The following GABRB1 variants were observed in gnomAD, a reference collection of about 807,000 sequenced individuals.
GABRB1 encodes the protein gamma-aminobutyric acid receptor subunit beta-1.
GABRB1 carries 17 observed loss-of-function variants against 51.6 expected under a neutral mutation model. That is an observed-to-expected ratio of 0.33 (90% CI 0.23 to 0.49). The LOEUF is 0.49. GABRB1 is among the 20% of genes least tolerant of loss of function. The pLI is 0.99. For missense variants in GABRB1, 410 were observed against 600.6 expected, an observed-to-expected ratio of 0.68 and a Z score of 3.32; for synonymous variants, 247 against 218.9, an observed-to-expected ratio of 1.13 and a Z score of -1.14.
Position 47,037,767 on chromosome 4 carries a change from C to G in GABRB1, c.240+5283C>G, listed in dbSNP as rs775835800. 3.9e-5 allele frequency among the ~76,000 whole-genome samples: 6 copies of G among 152,194 alleles called. No homozygotes were observed. In the East Asian group the frequency reaches 5.8e-4, roughly 15 times the overall value. The stretch of plus-strand genomic sequence containing the variant: ...TGCTTTACATTAATAGCGATTTAAT[C>G]CTTTACTTAATGCTATACAATTCTT... On this transcript the variant is annotated intron_variant, in intron 3 of 8. Coordinates refer to ENST00000295454, the MANE Select transcript of GABRB1 (RefSeq NM_000812.4).
At chr4:47,062,357 A>G (rs536719655) in intron 3 of GABRB1, among the ~76,000 whole-genome samples, 1 of 147,888 alleles carries the variant, frequency 6.8e-6, no homozygotes, top group South Asian at 2.1e-4. Context: ...TTTTGCTGAT[A>G]TAATGGAAAC....
chr4:47,282,066 T>G (rs183633426), intron 4 of GABRB1, among the ~76,000 whole-genome samples: 1 of 152,186 alleles, frequency 6.6e-6, no homozygotes, highest in African/African-American at 2.4e-5. Flanking sequence ...AAAGATGAAT[T>G]GTTAAAATGA....
intron 4 of GABRB1, among the ~76,000 whole-genome samples, chr4:47,287,032 A>T (rs951564405): frequency 4.6e-5 from 7 of 152,122 alleles, no homozygotes; most frequent in African/African-American, 1.7e-4. Context: ...ATCTTTCCCT[A>T]CACCGCATTG....
chr4:47,191,634 T>C (rs1195273752), intron 4 of GABRB1, among the ~76,000 whole-genome samples: 2 of 152,098 alleles, frequency 1.3e-5, no homozygotes, highest in African/African-American at 4.8e-5. Flanking sequence ...ACTCAGATGA[T>C]GGAAATGAAA....
At chr4:47,150,329 C>CACACACACGCACAT (rs1281137269) in intron 3 of GABRB1, among the ~76,000 whole-genome samples, 14 of 139,130 alleles carry the variant, frequency 1.0e-4, no homozygotes, top group Non-Finnish European at 2.2e-4. Context: ...CACACACACA[C>CACACACACGCACAT]ACACACACAC....
At chr4:47,296,011 C>T (rs1347758158) in intron 4 of GABRB1, among the ~76,000 whole-genome samples, 1 of 152,098 alleles carries the variant, frequency 6.6e-6, no homozygotes, top group Non-Finnish European at 1.5e-5. Context: ...CCAAACTAAG[C>T]TTCATAAGTG....
chr4:47,122,736 T>A (rs1240944050), intron 3 of GABRB1, among the ~76,000 whole-genome samples: 2 of 152,164 alleles, frequency 1.3e-5, no homozygotes, highest in African/African-American at 2.4e-5. Context: ...AGGACAAAAC[T>A]GTCACTGCTG....
At chr4:47,029,675 GT>G (rs1441098393), upstream of GABRB1, among the ~76,000 whole-genome samples, 1 of 151,690 alleles carries the variant, frequency 6.6e-6, no homozygotes, top group Non-Finnish European at 1.5e-5. Context: ...TGAAAGTTTT[GT>G]TTTTTGTATT....
chr4:47,365,663 G>C (rs1578125069), intron 5 of GABRB1, among the ~76,000 whole-genome samples: 1 of 152,080 alleles, frequency 6.6e-6, no homozygotes, highest in Non-Finnish European at 1.5e-5. Context: ...ACCAATGAAA[G>C]GCATGGGCAG....
chr4:47,243,775 G>C (rs1365051940), intron 4 of GABRB1, among the ~76,000 whole-genome samples: 2 of 152,202 alleles, frequency 1.3e-5, no homozygotes, highest in Non-Finnish European at 2.9e-5. Flanking sequence ...AGCTTAAGGA[G>C]ATTTTGGGCT....
In GABRB1 at chr4:47,403,468, C is replaced by G; in HGVS notation, c.682+13C>G. ...GAGTTCACAACAGGTGAGGTTGTTT[C>G]CCCCAAAATGTACTAGGGGTGCTGT... On this transcript the variant is annotated intron_variant, in intron 6 of 8. Coordinates refer to ENST00000295454, the MANE Select transcript of GABRB1 (RefSeq NM_000812.4). 6.2e-7 allele frequency: 1 copy of G among 1,613,648 alleles called. No individual in the cohort carries two copies. The highest frequency in any genetic ancestry group is 8.5e-7 in the Non-Finnish European group (1 of 1,179,770).
At chr4:47,295,816 C>T (rs1042931820) in intron 4 of GABRB1, among the ~76,000 whole-genome samples, 1 of 152,052 alleles carries the variant, frequency 6.6e-6, no homozygotes, top group Non-Finnish European at 1.5e-5. Flanking sequence ...TCAGATTCAC[C>T]AAAGTTGAAA....
intron 4 of GABRB1, among the ~76,000 whole-genome samples, chr4:47,246,512 A>T (rs900323337): frequency 1.3e-5 from 2 of 149,518 alleles, no homozygotes; most frequent in Admixed American, 1.3e-4. Context: ...TCTTTTTCAT[A>T]TATTGACTTC....
chr4:47,046,745 C>A (rs762706561), intron 3 of GABRB1, among the ~76,000 whole-genome samples: 7 of 152,014 alleles, frequency 4.6e-5, no homozygotes, highest in Non-Finnish European at 8.8e-5. Context: ...ACCTAAATGC[C>A]CATCAATGAT....
At chr4:47,050,526 T>C (rs1726300507) in intron 3 of GABRB1, among the ~76,000 whole-genome samples, 1 of 152,098 alleles carries the variant, frequency 6.6e-6, no homozygotes, top group East Asian at 1.9e-4. Flanking sequence ...GGGAAGTAAA[T>C]GCCAATGCAA....
intron 4 of GABRB1, among the ~76,000 whole-genome samples, chr4:47,264,973 T>C (rs528097726): frequency 6.6e-6 from 1 of 152,342 alleles, no homozygotes; most frequent in East Asian, 1.9e-4. Flanking sequence ...GCTGATAAAT[T>C]TTGCTAATTC....
intron 4 of GABRB1, among the ~76,000 whole-genome samples, chr4:47,267,362 T>C (rs1436580995): frequency 2.0e-5 from 3 of 148,288 alleles, no homozygotes; most frequent in Admixed American, 2.0e-4. Context: ...AGTGAAAGAG[T>C]AGGAATAAAA....
chr4:47,249,547 G>A (rs564428400), intron 4 of GABRB1, among the ~76,000 whole-genome samples: 1 of 151,898 alleles, frequency 6.6e-6, no homozygotes, highest in African/African-American at 2.4e-5. Flanking sequence ...CACTATTATT[G>A]TGTTGCTGTC....
chr4:47,145,324 A>G (rs1717112717), intron 3 of GABRB1, among the ~76,000 whole-genome samples: 1 of 152,018 alleles, frequency 6.6e-6, no homozygotes, highest in African/African-American at 2.4e-5. Context: ...AAATTGGTAA[A>G]CCACACAAAT....
Sources: gnomAD v4.1 joint callset for allele counts (sites outside exome capture counted in the v4.1 genomes callset) on GRCh38, gnomAD v4.1.1 for gene constraint, MANE v1.5 for transcripts, NCBI Gene and HGNC (gene_info 2026-07-23, HGNC 2026-07-21) for gene names.